Variants in EFL1 observed in about 807,000 individuals in gnomAD.
EFL1 encodes the protein elongation factor-like GTPase 1.
EFL1 carries 76 observed loss-of-function variants against 126.7 expected under a neutral mutation model. That is an observed-to-expected ratio of 0.60 (90% CI 0.50 to 0.73). The LOEUF (loss-of-function observed/expected upper bound fraction) is 0.73, where lower values mean the gene tolerates loss of function less well. Among genes scored for constraint, EFL1 ranks in the 30% least tolerant of loss-of-function variants. The pLI is 0.00. For synonymous variants in EFL1, 410 were observed against 448.4 expected (o/e 0.91, Z 1.08); for missense variants, 1,128 against 1,343.2 (o/e 0.84, Z 2.50).
rs756146286 is a variant in EFL1, at chr15:82,261,784, C to T, written c.-6G>A. Reference sequence around the variant, plus strand: ...TCCAAACTGTTGAGCACCATGATTACTTATTTCCTGTGACTAAAAATTAAA... The same window carrying T: ...TCCAAACTGTTGAGCACCATGATTATTTATTTCCTGTGACTAAAAATTAAA... On this transcript the variant is annotated 5_prime_UTR_variant, in exon 2 of 20. Coordinates refer to ENST00000268206, the MANE Select transcript of EFL1 (RefSeq NM_024580.6). 9 of 1,612,120 alleles carry T rather than the reference C, an allele frequency of 5.6e-6. No homozygotes were observed. Among genetic ancestry groups the T allele is most frequent in the Non-Finnish European group, 7.6e-6 (9 of 1,179,340 alleles).
chr15:82,132,694 G>C lies in EFL1; in HGVS notation c.3175-2133C>G, dbSNP rs1041282768. Among the ~76,000 whole-genome samples, 4 of 64,052 alleles carry C rather than the reference G, an allele frequency of 6.2e-5. 1 individual carries two copies. The highest frequency in any genetic ancestry group is 3.2e-4 in the Admixed American group (2 of 6,266). The allele number at this position is 64,052 out of a possible 152,430, so 42.0% of individuals were successfully genotyped here. A position where few individuals can be genotyped will look rare whatever the true frequency, so the allele number is the denominator to read the frequency against. On this transcript the variant is annotated intron_variant, in intron 19 of 19. Transcript: ENST00000268206. ...AGGTCCAGGAATTGGGGGGGGGGGGGGGTAGGCAGAGTGGCAGACAAGGGC... is the reference window on the plus strand; with the variant it reads ...AGGTCCAGGAATTGGGGGGGGGGGGCGGTAGGCAGAGTGGCAGACAAGGGC...
rs575238534 is a variant in EFL1, at chr15:82,215,888, C to T, written c.1612-1033G>A. Among the ~76,000 whole-genome samples, 9 of 152,194 alleles carry T rather than the reference C, an allele frequency of 5.9e-5. No homozygotes were observed. The South Asian group carries it at 1.7e-3, about 28-fold the overall frequency. On this transcript the variant is annotated intron_variant, in intron 14 of 19. Coordinates refer to ENST00000268206, the MANE Select transcript of EFL1 (RefSeq NM_024580.6). ...TGTATGTGTTCTGCTAAAATGACAACTCTCAAAGTAGCTCTAAAGATGGGC... is the reference window on the plus strand; with the variant it reads ...TGTATGTGTTCTGCTAAAATGACAATTCTCAAAGTAGCTCTAAAGATGGGC...
chr15:82,168,255 T>A (rs952091482), intron 15 of EFL1, among the ~76,000 whole-genome samples: 1 of 152,180 alleles, frequency 6.6e-6, no homozygotes, highest in African/African-American at 2.4e-5. Context: ...TAACAGGGAA[T>A]CCACACGCTT....
At chr15:82,165,722 C>T (rs79343173) in intron 15 of EFL1, among the ~76,000 whole-genome samples, 1 of 152,322 alleles carries the variant, frequency 6.6e-6, no homozygotes, top group Non-Finnish European at 1.5e-5. Context: ...CTTTCACTTT[C>T]ACCAACTACC....
chr15:82,173,247 T>A (rs899396779), intron 15 of EFL1, among the ~76,000 whole-genome samples: 1 of 151,954 alleles, frequency 6.6e-6, no homozygotes, highest in African/African-American at 2.4e-5. Flanking sequence ...TTACAGAAGG[T>A]CATGAACAAT....
chr15:82,157,901 A>C, intron 16 of EFL1, 41 bp from the exon 17 acceptor site: 1 of 1,571,022 alleles, frequency 6.4e-7, no homozygotes, highest in South Asian at 1.2e-5. Flanking sequence ...TGATATAAGA[A>C]CTAACACAAT....
chr15:82,186,908 C>T (rs1490648603), intron 15 of EFL1, among the ~76,000 whole-genome samples: 4 of 152,134 alleles, frequency 2.6e-5, no homozygotes, highest in African/African-American at 7.2e-5. Context: ...ATAATTCAGG[C>T]GCTTCTTAGG....
intron 15 of EFL1, among the ~76,000 whole-genome samples, chr15:82,201,496 T>A (rs1195658174): frequency 6.6e-6 from 1 of 152,210 alleles, no homozygotes; most frequent in Non-Finnish European, 1.5e-5. Context: ...TTGCAACCCC[T>A]ACTGCTCTTA....
intron 16 of EFL1, 51 bp downstream of exon 16, chr15:82,163,802 A>G: frequency 6.3e-7 from 1 of 1,592,724 alleles, no homozygotes; most frequent in South Asian, 1.1e-5. Flanking sequence ...ATACATGCAT[A>G]TGCTTTAAAA....
chr15:82,133,821 A>G (rs143456173), intron 19 of EFL1, among the ~76,000 whole-genome samples: 344 of 152,274 alleles, frequency 2.3e-3, no homozygotes, highest in Admixed American at 6.8e-3. Context: ...CTGTTTCCTC[A>G]TATGCGAGGA....
chr15:82,220,112 G>T lies in EFL1; in HGVS notation c.1410C>A (p.Ala470=). The part of the protein sequence containing the change: ...APLEPTQDGS[A]IETCPKGEEP... ...CCTCTCCTTTTGGACATGTTTCAATGGCACTCCCATCTTGGGTGGGCTCCA... is the reference window on the plus strand; with the variant it reads ...CCTCTCCTTTTGGACATGTTTCAATTGCACTCCCATCTTGGGTGGGCTCCA... Residue 470 remains alanine (A), a synonymous_variant, in exon 13 of 20, where the codon GCC becomes GCA. Coordinates refer to ENST00000268206, the MANE Select transcript of EFL1 (RefSeq NM_024580.6). 2 of 1,612,938 alleles carry T rather than the reference G, an allele frequency of 1.2e-6. No homozygotes were observed. Among genetic ancestry groups the T allele is most frequent in the Non-Finnish European group, 1.7e-6 (2 of 1,179,606 alleles).
chr15:82,207,919 C>T (rs1054766317), intron 15 of EFL1, among the ~76,000 whole-genome samples: 2 of 152,070 alleles, frequency 1.3e-5, no homozygotes, highest in South Asian at 4.1e-4. Flanking sequence ...TGGGGTTTCA[C>T]CATGTTGGCC....
At chr15:82,180,780 A>G (rs1369262474) in intron 15 of EFL1, among the ~76,000 whole-genome samples, 1 of 151,602 alleles carries the variant, frequency 6.6e-6, no homozygotes, top group Non-Finnish European at 1.5e-5. Flanking sequence ...AGGCTGGAGT[A>G]CAGTGGTTCA....
At chr15:82,176,001 A>G (rs1376023042) in intron 15 of EFL1, among the ~76,000 whole-genome samples, 1 of 152,220 alleles carries the variant, frequency 6.6e-6, no homozygotes, top group African/African-American at 2.4e-5. Context: ...GTTATTAGAC[A>G]CAAGCTACTA....
intron 15 of EFL1, among the ~76,000 whole-genome samples, chr15:82,181,108 A>C (rs2074247484): frequency 6.6e-6 from 1 of 152,140 alleles, no homozygotes; most frequent in Non-Finnish European, 1.5e-5. Context: ...TATAGAATGG[A>C]TAAAATGGTA....
At chr15:82,209,314 CAG>C (rs1445481114) in intron 15 of EFL1, among the ~76,000 whole-genome samples, 1,081 of 101,404 alleles carry the variant, frequency 0.011, 18 homozygotes, top group African/African-American at 0.036. Context: ...CACACAGACA[CAG>C]ACACACACAC....
chr15:82,180,369 A>C (rs113065772), intron 15 of EFL1, among the ~76,000 whole-genome samples: 28,742 of 123,698 alleles, frequency 0.23, 3,239 homozygotes, highest in South Asian at 0.4. Context: ...CAAAAAAAAA[A>C]AAACAAAAAA....
In EFL1 at chr15:82,135,102, A is replaced by G. The variant is rs138758331; in HGVS notation, c.3174+3556T>C. Among the ~76,000 whole-genome samples the G allele has an allele frequency of 5.2e-3, 792 of 152,306 alleles. 12 individuals carry two copies. Among genetic ancestry groups the G allele is most frequent in the African/African-American group, 0.018 (764 of 41,550 alleles). On this transcript the variant is annotated intron_variant, in intron 19 of 19. Coordinates refer to ENST00000268206, the MANE Select transcript of EFL1 (RefSeq NM_024580.6). ...AGTTTTTAAGATTTCAAAGATTTGAAGCTTTTGGGAACAGGACCACGACAG... is the reference window on the plus strand; with the variant it reads ...AGTTTTTAAGATTTCAAAGATTTGAGGCTTTTGGGAACAGGACCACGACAG...
chr15:82,240,456 G>C lies in EFL1; in HGVS notation c.478C>G (p.Gln160Glu). Residue 160 changes from glutamine (Q) to glutamate (E), a missense_variant, in exon 6 of 20, where the codon CAA (glutamine) becomes GAA (glutamate). Physicochemically the swap from Gln to Glu is conservative, Grantham distance 29. Around this residue, in one of 6 missense-constraint regions of EFL1, gnomAD observed 316 missense variants for 318.5 expected, o/e 0.99. Coordinates refer to ENST00000268206, the MANE Select transcript of EFL1 (RefSeq NM_024580.6). ...RLIVELKFTP[Q>E]EAYSHLKNIL... ...TTCTTGAGGTGAGAATAGGCCTCTT[G>C]TGGGGTGAATTTCAGTTCCACTATC... is the stretch of plus-strand genomic sequence containing the variant. 6.2e-7 allele frequency: 1 copy of C among 1,612,908 alleles called. No individual in the cohort carries two copies. The highest frequency in any genetic ancestry group is 8.5e-7 in the Non-Finnish European group (1 of 1,179,404).
Sources: allele counts gnomAD v4.1 joint callset (sites outside exome capture counted in the v4.1 genomes callset), GRCh38; gene constraint gnomAD v4.1.1; regional missense constraint gnomAD v4.1.1; transcripts MANE v1.5; gene names NCBI Gene and HGNC (gene_info 2026-07-23, HGNC 2026-07-21).